The following COL19A1 variants were observed in gnomAD, a reference collection of about 807,000 sequenced individuals.
The protein encoded by COL19A1 is collagen alpha-1(XIX) chain.
COL19A1 carries 159 observed loss-of-function variants against 190.2 expected under a neutral mutation model. The observed-to-expected ratio is 0.84, with a 90% confidence interval of 0.73 to 0.95. COL19A1 has a LOEUF of 0.95. COL19A1 is among the 40% of genes least tolerant of loss of function. The pLI is 0.00. For missense variants in COL19A1, 1,418 were observed against 1,431.9 expected, an observed-to-expected ratio of 0.99 and a Z score of 0.16; for synonymous variants, 509 against 458.9, an observed-to-expected ratio of 1.11 and a Z score of -1.39.
chr6:70,057,369 C>T (rs952924525), intron 14 of COL19A1, among the ~76,000 whole-genome samples: 40 of 152,150 alleles, frequency 2.6e-4, no homozygotes, highest in African/African-American at 9.6e-4. Flanking sequence ...TAGTAGGTTA[C>T]TGCCAAAATA....
chr6:70,098,089 T>C (rs1342604565), intron 15 of COL19A1, among the ~76,000 whole-genome samples: 1 of 152,196 alleles, frequency 6.6e-6, no homozygotes, highest in African/African-American at 2.4e-5. Context: ...GCCTTCTTCC[T>C]GTACCTACTA....
At chr6:70,017,239 A>G (rs931583463) in intron 11 of COL19A1, among the ~76,000 whole-genome samples, 1 of 152,160 alleles carries the variant, frequency 6.6e-6, no homozygotes, top group Non-Finnish European at 1.5e-5. Context: ...AAGGCTACAT[A>G]TTGTATAATT....
At chr6:70,205,133 T>G (rs1219054659) in intron 49 of COL19A1, among the ~76,000 whole-genome samples, 5 of 152,218 alleles carry the variant, frequency 3.3e-5, no homozygotes, top group Admixed American at 1.3e-4. Flanking sequence ...TATGTGAAGG[T>G]TTCCTGCTGG....
intron 49 of COL19A1, among the ~76,000 whole-genome samples, chr6:70,204,745 T>C (rs1767759714): frequency 6.6e-6 from 1 of 152,208 alleles, no homozygotes; most frequent in Admixed American, 6.5e-5. Flanking sequence ...GTATCTTCAG[T>C]TATTATTCTT....
At chr6:69,982,442 T>C (rs2150066284) in intron 11 of COL19A1, among the ~76,000 whole-genome samples, 1 of 152,060 alleles carries the variant, frequency 6.6e-6, no homozygotes, top group Non-Finnish European at 1.5e-5. Context: ...GGTTTCACTA[T>C]GTTGGCCAGG....
chr6:70,050,253 C>T (rs1312106815), intron 14 of COL19A1, among the ~76,000 whole-genome samples: 3 of 151,980 alleles, frequency 2.0e-5, no homozygotes, highest in Non-Finnish European at 2.9e-5. Context: ...AGTTAATATG[C>T]TAAATGTGAA....
intron 19 of COL19A1, 129 bp downstream of exon 19, chr6:70,137,876 C>A (rs985553722): frequency 1.3e-6 from 1 of 776,346 alleles, no homozygotes; most frequent in Non-Finnish European, 2.1e-6. Flanking sequence ...ATCAGATCTT[C>A]AAGCAAGTAC....
At chr6:69,945,371 AT>A (rs934598776) in intron 9 of COL19A1, among the ~76,000 whole-genome samples, 39 of 152,038 alleles carry the variant, frequency 2.6e-4, no homozygotes, top group African/African-American at 9.4e-4. Context: ...AGAGGTTTTC[AT>A]TTTGAGTAGT....
intron 14 of COL19A1, among the ~76,000 whole-genome samples, chr6:70,054,118 G>C (rs1461974843): frequency 6.6e-6 from 1 of 152,198 alleles, no homozygotes; most frequent in Non-Finnish European, 1.5e-5. Flanking sequence ...GGAAGGCCGA[G>C]GCAGGTGGAT....
chr6:70,101,324 A>C (rs370118809), intron 15 of COL19A1, among the ~76,000 whole-genome samples: 2 of 152,134 alleles, frequency 1.3e-5, no homozygotes, highest in East Asian at 1.9e-4. Context: ...CTCTTTTAAA[A>C]ATTTAAAAAA....
intron 42 of COL19A1, among the ~76,000 whole-genome samples, chr6:70,179,736 T>C (rs182766447): frequency 6.6e-6 from 1 of 152,314 alleles, no homozygotes; most frequent in East Asian, 1.9e-4. Context: ...TTTGGGCTAA[T>C]ATTTTCAAAA....
At chr6:69,988,660 A>G (rs1236496897) in intron 11 of COL19A1, among the ~76,000 whole-genome samples, 2 of 152,122 alleles carry the variant, frequency 1.3e-5, no homozygotes, top group African/African-American at 4.8e-5. Flanking sequence ...GTGTTAAGAG[A>G]CTGATAATAC....
At chr6:69,920,154 C>A (rs577721910) in intron 4 of COL19A1, among the ~76,000 whole-genome samples, 124 of 152,160 alleles carry the variant, frequency 8.1e-4, no homozygotes, top group African/African-American at 2.9e-3. Context: ...CTTTCTTAAT[C>A]TTAACACCAA....
chr6:69,981,020 A>T (rs1408995569), intron 11 of COL19A1, among the ~76,000 whole-genome samples: 4 of 152,234 alleles, frequency 2.6e-5, no homozygotes, highest in African/African-American at 9.6e-5. Context: ...TAAATATATT[A>T]CATGCATGTG....
At position 70,174,021 on chromosome 6, in the gene COL19A1, G is replaced by A. The variant is rs533829182; in HGVS notation, c.2622+2004G>A. Reference sequence around the variant, plus strand: ...GGATAGTTTATCTACAGTAAAAGGGGAGAAAGCAGAGTATGGGGACAGAGG... The same window carrying A: ...GGATAGTTTATCTACAGTAAAAGGGAAGAAAGCAGAGTATGGGGACAGAGG... On this transcript the variant is annotated intron_variant, in intron 41 of 50. Transcript: ENST00000620364. Among the ~76,000 whole-genome samples the A allele has an allele frequency of 3.9e-5, 6 of 152,268 alleles. No homozygotes were observed. In the South Asian group the frequency reaches 6.2e-4, roughly 16 times the overall value.
chr6:69,868,916 C>A (rs911073206), intron 1 of COL19A1, among the ~76,000 whole-genome samples: 1 of 151,902 alleles, frequency 6.6e-6, no homozygotes, highest in Admixed American at 6.6e-5. Context: ...AAGTTAGAAA[C>A]CATGGTAGTG....
At chr6:69,932,282 G>A (rs1185392121) in intron 6 of COL19A1, among the ~76,000 whole-genome samples, 4 of 151,968 alleles carry the variant, frequency 2.6e-5, no homozygotes, top group African/African-American at 9.7e-5. Flanking sequence ...GTTTTAGGCA[G>A]AATTCGTGAA....
intron 4 of COL19A1, among the ~76,000 whole-genome samples, chr6:69,922,725 C>T (rs113844554): frequency 0.11 from 16,170 of 152,074 alleles, 958 homozygotes; most frequent in Middle Eastern, 0.16. Context: ...AAGTGATCTG[C>T]CCGCCTCGGC....
chr6:70,064,546 G>T (rs1781056430), intron 14 of COL19A1, among the ~76,000 whole-genome samples: 2 of 152,092 alleles, frequency 1.3e-5, no homozygotes, highest in South Asian at 4.1e-4. Flanking sequence ...TTTGAAAACT[G>T]GCACAAGACA....
Sources: gnomAD v4.1 joint callset for allele counts (sites outside exome capture counted in the v4.1 genomes callset) on GRCh38, gnomAD v4.1.1 for gene constraint, MANE v1.5 for transcripts, NCBI Gene and HGNC (gene_info 2026-07-23, HGNC 2026-07-21) for gene names.